Variants in GALNTL6 observed in about 807,000 individuals in gnomAD.
The protein encoded by GALNTL6 is polypeptide N-acetylgalactosaminyltransferase like 6.
Under a neutral mutation model 73.7 loss-of-function variants are expected in GALNTL6, and 46 were observed. The observed-to-expected ratio is 0.62, with a 90% CI of 0.49 to 0.80. The LOEUF is 0.80. GALNTL6 is among the 30% of genes least tolerant of loss of function. The pLI is 0.00. For synonymous variants in GALNTL6, 259 were observed against 263.7 expected (o/e 0.98, Z 0.17); for missense variants, 604 against 755.0 (o/e 0.80, Z 2.34).
chr4:173,025,573 C>T (rs762236488), intron 12 of GALNTL6, among the ~76,000 whole-genome samples: 2 of 152,166 alleles, frequency 1.3e-5, no homozygotes, highest in South Asian at 2.1e-4. Context: ...CTGTCTTTCC[C>T]CTTCCCCTTC....
intron 2 of GALNTL6, among the ~76,000 whole-genome samples, chr4:172,191,998 GTAT>G (rs1486563642): frequency 6.6e-6 from 1 of 151,886 alleles, no homozygotes. Flanking sequence ...TTTTAAAAAT[GTAT>G]TATTAATATA....
chr4:171,815,256 C>T (rs1734495664), intron 2 of GALNTL6: 1 of 155,862 alleles, frequency 6.4e-6, no homozygotes, highest in African/African-American at 2.4e-5. Context: ...TCCCCTGTTG[C>T]TAAGGTGCTG....
intron 5 of GALNTL6, among the ~76,000 whole-genome samples, chr4:172,688,947 T>C (rs1733095045): frequency 6.6e-6 from 1 of 152,238 alleles, no homozygotes; most frequent in Non-Finnish European, 1.5e-5. Flanking sequence ...TCTCATTTTT[T>C]CCCAACTCCC....
chr4:172,124,092 C>A (rs1733227805), intron 2 of GALNTL6, among the ~76,000 whole-genome samples: 1 of 152,124 alleles, frequency 6.6e-6, no homozygotes, highest in Non-Finnish European at 1.5e-5. Context: ...TTGTTATAAT[C>A]AGCAATTGAC....
chr4:172,651,960 G>C (rs1323810774), intron 5 of GALNTL6, among the ~76,000 whole-genome samples: 2 of 152,128 alleles, frequency 1.3e-5, no homozygotes, highest in African/African-American at 4.8e-5. Context: ...TCCCAGGTTG[G>C]CTAATGGAAG....
chr4:172,143,344 A>G (rs916888455), intron 2 of GALNTL6, among the ~76,000 whole-genome samples: 3 of 151,876 alleles, frequency 2.0e-5, no homozygotes, highest in Non-Finnish European at 2.9e-5. Context: ...TTTAACTTTT[A>G]TTATGTTTAA....
At chr4:172,297,447 TG>T (rs1437079181) in intron 3 of GALNTL6, among the ~76,000 whole-genome samples, 2 of 152,160 alleles carry the variant, frequency 1.3e-5, no homozygotes, top group Non-Finnish European at 2.9e-5. Flanking sequence ...ATGTCCTGAA[TG>T]GTATTGCCTA....
chr4:172,356,067 A>T (rs1742144548), intron 5 of GALNTL6, among the ~76,000 whole-genome samples: 1 of 152,086 alleles, frequency 6.6e-6, no homozygotes, highest in South Asian at 2.1e-4. Context: ...ACATGGCTGA[A>T]TTAATATGGG....
In GALNTL6 at chr4:172,635,559, C is replaced by G. The variant is rs1014870112; in HGVS notation, c.554-173802C>G. On this transcript the variant is annotated intron_variant, in intron 5 of 12. Transcript: ENST00000506823. ...GCATATTTGAAAAGAGCTATCATAC[C>G]TTCCTCACAAATATACTTATTCAAT... Among the ~76,000 whole-genome samples, 18 of 152,176 alleles carry G rather than the reference C, an allele frequency of 1.2e-4. No homozygotes were observed. In the East Asian group the frequency reaches 2.3e-3, roughly 20 times the overall value.
At chr4:172,823,952 C>T (rs1742083277) in intron 7 of GALNTL6, among the ~76,000 whole-genome samples, 1 of 152,060 alleles carries the variant, frequency 6.6e-6, no homozygotes, top group Non-Finnish European at 1.5e-5. Context: ...AGATTCTAGA[C>T]TCCACCTAGA....
chr4:172,241,271 GT>G (rs1179095157), intron 3 of GALNTL6, among the ~76,000 whole-genome samples: 1 of 152,006 alleles, frequency 6.6e-6, no homozygotes, highest in Non-Finnish European at 1.5e-5. Context: ...TTAAATAATT[GT>G]TTTTAATAAA....
chr4:172,330,341 C>T (rs1741083048), intron 4 of GALNTL6, among the ~76,000 whole-genome samples: 1 of 152,188 alleles, frequency 6.6e-6, no homozygotes, highest in African/African-American at 2.4e-5. Context: ...CAAAGATCCA[C>T]TGGGGAGGTG....
rs1156530980 is a variant in GALNTL6, at chr4:171,814,527, A to C, written c.-54A>C. The C allele has an allele frequency of 1.9e-6, 3 of 1,594,596 alleles. No individual in the cohort carries two copies. Among genetic ancestry groups the C allele is most frequent in the African/African-American group, 2.7e-5 (2 of 73,794 alleles). ...GGAAAGGAATTTGACATTAAACACA[A>C]GAAGCAGTCAGGGAGCCATCTCCTT... On this transcript the variant is annotated 5_prime_UTR_variant, in exon 2 of 13. Transcript: ENST00000506823.
chr4:172,362,039 C>T (rs1223608957), intron 5 of GALNTL6, among the ~76,000 whole-genome samples: 2 of 152,052 alleles, frequency 1.3e-5, no homozygotes, highest in Admixed American at 1.3e-4. Flanking sequence ...GTAATATCTC[C>T]AACAACTTTG....
At chr4:172,188,766 A>T (rs372884144) in intron 2 of GALNTL6, among the ~76,000 whole-genome samples, 12 of 152,190 alleles carry the variant, frequency 7.9e-5, no homozygotes, top group Admixed American at 6.5e-4. Context: ...TCCCATAGGC[A>T]GTGTGAGGAG....
chr4:171,845,642 G>C (rs1399834375), intron 2 of GALNTL6, among the ~76,000 whole-genome samples: 1 of 152,118 alleles, frequency 6.6e-6, no homozygotes. Context: ...CCTTCAGCCA[G>C]TGGGATACAA....
At chr4:172,596,569 C>A (rs1272891840) in intron 5 of GALNTL6, among the ~76,000 whole-genome samples, 1 of 152,084 alleles carries the variant, frequency 6.6e-6, no homozygotes, top group East Asian at 1.9e-4. Context: ...TTATTCAGAG[C>A]CTGCATGAAT....
chr4:172,023,092 T>C (rs1741453054), intron 2 of GALNTL6, among the ~76,000 whole-genome samples: 1 of 151,972 alleles, frequency 6.6e-6, no homozygotes, highest in African/African-American at 2.4e-5. Context: ...TCCAGTACCA[T>C]TGAAGAGGTG....
At chr4:172,432,926 C>A (rs1731507857) in intron 5 of GALNTL6, among the ~76,000 whole-genome samples, 7 of 152,142 alleles carry the variant, frequency 4.6e-5, no homozygotes, top group Admixed American at 4.6e-4. Flanking sequence ...TAATATTTTT[C>A]TCTAATTGAT....
Sources: allele counts gnomAD v4.1 joint callset (sites outside exome capture counted in the v4.1 genomes callset), GRCh38; gene constraint gnomAD v4.1.1; transcripts MANE v1.5; gene names NCBI Gene and HGNC (gene_info 2026-07-23, HGNC 2026-07-21).